Variants in SYN3 observed in about 807,000 individuals in gnomAD.
SYN3 encodes the protein synapsin-3.
SYN3 carries 35 observed loss-of-function variants against 65.8 expected under a neutral mutation model. The observed-to-expected ratio is 0.53, with a 90% CI of 0.41 to 0.70. The LOEUF is 0.70. SYN3 is among the 30% of genes least tolerant of loss of function. SYN3 has a pLI of 0.00. For missense variants in SYN3, 680 were observed against 749.0 expected, an observed-to-expected ratio of 0.91 and a Z score of 1.08; for synonymous variants, 270 against 292.9, an observed-to-expected ratio of 0.92 and a Z score of 0.80.
intron 6 of SYN3, among the ~76,000 whole-genome samples, chr22:32,668,068 G>A (rs926455116): frequency 6.6e-6 from 1 of 152,140 alleles, no homozygotes; most frequent in Non-Finnish European, 1.5e-5. Context: ...TGGGATTACA[G>A]GTGTGAGCCA....
intron 6 of SYN3, among the ~76,000 whole-genome samples, chr22:32,798,685 C>CTTT (rs751710119): frequency 0.012 from 1,124 of 92,446 alleles, 26 homozygotes; most frequent in Middle Eastern, 0.048. Flanking sequence ...CATCTTCATT[C>CTTT]TTTTTTTTTT....
intron 3 of SYN3, among the ~76,000 whole-genome samples, chr22:32,960,741 G>A (rs1331165748): frequency 2.0e-5 from 3 of 152,196 alleles, no homozygotes; most frequent in African/African-American, 4.8e-5. Flanking sequence ...ACTGACCAGT[G>A]TGGATCATGT....
At chr22:32,809,671 G>GTCAT (rs1219415709) in intron 6 of SYN3, among the ~76,000 whole-genome samples, 2 of 152,196 alleles carry the variant, frequency 1.3e-5, no homozygotes, top group East Asian at 3.8e-4. Context: ...ATACTAGCCA[G>GTCAT]TCATTATTCT....
intron 7 of SYN3, among the ~76,000 whole-genome samples, chr22:32,593,068 T>C (rs889028848): frequency 2.6e-4 from 39 of 152,218 alleles, no homozygotes; most frequent in African/African-American, 9.2e-4. Flanking sequence ...CAAGAGAAGG[T>C]AAACGTACCA....
intron 6 of SYN3, among the ~76,000 whole-genome samples, chr22:32,774,662 T>G (rs564066504): frequency 7.2e-5 from 11 of 152,238 alleles, no homozygotes; most frequent in African/African-American, 2.6e-4. Context: ...GCGCACGATC[T>G]CAGCTCACCG....
rs1293703591 is a variant in SYN3 at position 33,009,771 on chromosome 22, C to T, written c.-162-2947G>A. Reference sequence around the variant, plus strand: ...ATCTAAACACACACACACACACACACACACACACACACACACACACACTTA... The same window carrying T: ...ATCTAAACACACACACACACACACATACACACACACACACACACACACTTA... On this transcript the variant is annotated intron_variant, in intron 1 of 13. Transcript: ENST00000358763. 2.8e-5 allele frequency among the ~76,000 whole-genome samples: 4 copies of T among 144,996 alleles called. No individual in the cohort carries two copies. The East Asian group carries it at 7.8e-4, about 28-fold the overall frequency.
intron 4 of SYN3, among the ~76,000 whole-genome samples, chr22:32,899,620 T>G (rs1273420837): frequency 6.6e-6 from 1 of 152,154 alleles, no homozygotes; most frequent in African/African-American, 2.4e-5. Context: ...GGAAAAAGGG[T>G]TATTCTGCTT....
chr22:32,945,960 G>A (rs1298875456), intron 3 of SYN3, among the ~76,000 whole-genome samples: 1 of 152,124 alleles, frequency 6.6e-6, no homozygotes, highest in African/African-American at 2.4e-5. Flanking sequence ...ATCACTGGAC[G>A]TCAGAGAAAT....
intron 4 of SYN3, chr22:32,930,846 C>T (rs950469367): frequency 5.9e-5 from 9 of 152,812 alleles, no homozygotes; most frequent in African/African-American, 2.2e-4. Flanking sequence ...ACTTGCTCTC[C>T]AATTCAGCAT....
intron 13 of SYN3, among the ~76,000 whole-genome samples, chr22:32,516,387 G>A (rs909447107): frequency 2.1e-5 from 3 of 141,376 alleles, no homozygotes; most frequent in Non-Finnish European, 4.5e-5. Flanking sequence ...TTATTGAGAT[G>A]GAGTCTCACT....
At chr22:33,010,344 C>T (rs949154099) in intron 1 of SYN3, among the ~76,000 whole-genome samples, 4 of 152,004 alleles carry the variant, frequency 2.6e-5, no homozygotes, top group African/African-American at 7.3e-5. Context: ...TCCAACTAAA[C>T]TTGATTTTTG....
intron 6 of SYN3, among the ~76,000 whole-genome samples, chr22:32,602,524 C>T (rs1251205357): frequency 1.3e-5 from 2 of 152,036 alleles, no homozygotes; most frequent in Non-Finnish European, 2.9e-5. Context: ...TGTAGTGACA[C>T]GATCTCAGCT....
intron 6 of SYN3, among the ~76,000 whole-genome samples, chr22:32,656,921 G>A (rs2060148879): frequency 6.6e-6 from 1 of 152,058 alleles, no homozygotes; most frequent in Non-Finnish European, 1.5e-5. Flanking sequence ...GTGTCCATGA[G>A]GTCTCTGAGC....
intron 6 of SYN3, among the ~76,000 whole-genome samples, chr22:32,808,423 G>A (rs551588557): frequency 5.0e-4 from 76 of 152,298 alleles, no homozygotes; most frequent in African/African-American, 1.7e-3. Context: ...GAGGCTGGGT[G>A]GACCCCAGCC....
intron 7 of SYN3, among the ~76,000 whole-genome samples, chr22:32,558,798 G>A (rs2058541602): frequency 6.6e-6 from 1 of 152,242 alleles, no homozygotes; most frequent in African/African-American, 2.4e-5. Flanking sequence ...AGCCAAGGCA[G>A]ACTGTGCCAG....
chr22:33,033,070 T>C (rs1765394890), intron 1 of SYN3, among the ~76,000 whole-genome samples: 1 of 151,890 alleles, frequency 6.6e-6, no homozygotes, highest in Admixed American at 6.6e-5. Flanking sequence ...CGGAGAGCAA[T>C]GGTGTGACCT....
intron 6 of SYN3, among the ~76,000 whole-genome samples, chr22:32,841,975 T>C (rs1190235057): frequency 1.3e-5 from 2 of 152,168 alleles, no homozygotes; most frequent in African/African-American, 4.8e-5. Context: ...ACCACGAGCC[T>C]GCACCTCGAT....
chr22:32,611,286 T>G (rs941033005), intron 6 of SYN3, among the ~76,000 whole-genome samples: 5 of 42,300 alleles, frequency 1.2e-4, no homozygotes, highest in African/African-American at 5.7e-4. Context: ...TTTTTTTTGT[T>G]TTTTTTTTTT....
intron 3 of SYN3, among the ~76,000 whole-genome samples, chr22:32,973,915 A>G (rs550348114): frequency 4.9e-4 from 74 of 152,272 alleles, no homozygotes; most frequent in African/African-American, 1.7e-3. Flanking sequence ...CAGCCTCCCA[A>G]ATAGCTGGGA....
Sources: allele counts gnomAD v4.1 joint callset (sites outside exome capture counted in the v4.1 genomes callset), GRCh38; gene constraint gnomAD v4.1.1; transcripts MANE v1.5; gene names NCBI Gene and HGNC (gene_info 2026-07-23, HGNC 2026-07-21).